The following BTN2A2 variants were observed in gnomAD, a reference collection of about 807,000 sequenced individuals.
BTN2A2 encodes the protein butyrophilin subfamily 2 member A2.
A neutral mutation model predicts 34.7 loss-of-function variants in BTN2A2; 29 were observed. That is an observed-to-expected ratio of 0.84 (90% CI 0.62 to 1.14). The LOEUF is 1.14. Ranked by LOEUF, BTN2A2 falls within the 50% of genes most tolerant of loss-of-function variation. The probability of loss-of-function intolerance (pLI) is 0.00; values close to 1 mark genes in which losing one functional copy is unlikely to be tolerated. For synonymous variants in BTN2A2, 240 were observed against 253.1 expected (o/e 0.95, Z 0.49); for missense variants, 612 against 651.5 (o/e 0.94, Z 0.66).
rs1186252729 is a variant in BTN2A2 at position 26,388,213 on chromosome 6, G to A, written c.643G>A (p.Asp215Asn). The A allele has an allele frequency of 6.2e-7, 1 of 1,614,240 alleles. No homozygotes were observed. The highest frequency in any genetic ancestry group is 1.7e-5 in the Admixed American group (1 of 60,030). The change falls in exon 4 of 8, where the codon GAC (aspartate) becomes AAC (asparagine). Residue 215 changes from aspartate (D) to asparagine (N), a missense_variant. Asp to Asn is a conservative substitution (Grantham distance 23). Transcript: ENST00000356709. ...FMVTTAVIIR[D>N]KYVRNVSCSV... Reference sequence around the variant, plus strand: ...GGTCACCACAGCTGTGATCATCAGAGACAAGTATGTGAGGAATGTGTCCTG... The same window carrying A: ...GGTCACCACAGCTGTGATCATCAGAAACAAGTATGTGAGGAATGTGTCCTG...
chr6:26,384,929 T>C lies in BTN2A2; in HGVS notation c.95-86T>C, dbSNP rs922771153. ...CCTTTCATCCCTGGAGTTTTTTTTG[T>C]TTGTTTGTTTTTGTTTTTTGTTTTT... On this transcript the variant is annotated intron_variant, in intron 2 of 7. Transcript: ENST00000356709. The surrounding 1 kb of genome is among the most constrained non-coding windows in gnomAD (Gnocchi z 4.0). 9.1e-6 allele frequency: 12 copies of C among 1,325,450 alleles called. No individual in the cohort carries two copies. The highest frequency in any genetic ancestry group is 1.0e-5 in the Non-Finnish European group (10 of 987,386). 82.1% of individuals were successfully genotyped at this position (1,325,450 alleles called of 1,614,324 possible).
chr6:26,388,196 C>G lies in BTN2A2; in HGVS notation c.626C>G (p.Thr209Arg). Reference protein sequence around the residue: ...ADADGLFMVTTAVIIRDKYVR... With the variant: ...ADADGLFMVTRAVIIRDKYVR... ...GCTGACGGCCTCTTCATGGTCACCA[C>G]AGCTGTGATCATCAGAGACAAGTAT... The change falls in exon 4 of 8, where the codon ACA becomes AGA. Residue 209 changes from threonine to arginine, a missense_variant. Thr to Arg is a moderately conservative substitution (Grantham distance 71, BLOSUM62 -1). Transcript: ENST00000356709. The G allele has an allele frequency of 2.5e-6, 4 of 1,614,194 alleles. No individual in the cohort carries two copies. Among genetic ancestry groups the G allele is most frequent in the African/African-American group, 1.3e-5 (1 of 75,048 alleles).
rs1424591181 is a variant in BTN2A2, at chr6:26,393,461, A to G, written c.*494A>G. On this transcript the variant is annotated 3_prime_UTR_variant, in exon 8 of 8. Transcript: ENST00000356709. ...TGGAACCAGAGAGCTGGGAGGGACC[A>G]AGGTTGTAAGGATGGCTAAGTCCCA... 1 of 1,063,108 alleles carries G rather than the reference A, an allele frequency of 9.4e-7. No homozygotes were observed. Among genetic ancestry groups the G allele is most frequent in the Non-Finnish European group, 1.1e-6 (1 of 878,020 alleles). The allele number at this position is 1,063,108 out of a possible 1,614,324, so 65.9% of individuals were successfully genotyped here.
rs1761028111 is a variant in BTN2A2 at position 26,384,024 on chromosome 6, A to T, written c.94+109A>T. The stretch of plus-strand genomic sequence containing the variant: ...TGTGGGGTTGTTGACTTATCCTTTC[A>T]TTCTGAACATGTTCACTGAATTTAT... On this transcript the variant is annotated intron_variant, in intron 2 of 7. Coordinates refer to ENST00000356709, the MANE Select transcript of BTN2A2 (RefSeq NM_006995.5). The surrounding 1 kb of genome is among the most constrained non-coding windows in gnomAD (Gnocchi z 4.0). 1.6e-6 allele frequency: 2 copies of T among 1,258,190 alleles called. No individual in the cohort carries two copies. The highest frequency in any genetic ancestry group is 1.5e-5 in the African/African-American group (1 of 67,546). The allele number at this position is 1,258,190 out of a possible 1,614,324, so 77.9% of individuals were successfully genotyped here.
chr6:26,385,109 T>C lies in BTN2A2; in HGVS notation c.189T>C (p.Ala63=). The C allele has an allele frequency of 6.2e-7, 1 of 1,613,846 alleles. No individual in the cohort carries two copies. The highest frequency in any genetic ancestry group is 8.5e-7 in the Non-Finnish European group (1 of 1,179,930). Residue 63 remains alanine (A), a synonymous_variant, in exon 3 of 8, where the codon GCT becomes GCC. Transcript: ENST00000356709. ...LRCHLSPEKN[A]EDMEVRWFRS... is the part of the protein sequence containing the mutation. ...GCCATCTGTCACCCGAGAAAAATGC[T>C]GAGGACATGGAGGTGCGGTGGTTCC...
At position 26,392,899 on chromosome 6, in the gene BTN2A2, G is replaced by A. The variant is rs755563740; in HGVS notation, c.1504G>A (p.Ala502Thr). ...PIFICPALTG[A>T]SGVMVPEEGL... ...CTTCATCTGCCCTGCACTCACAGGA[G>A]CCAGTGGGGTCATGGTGCCTGAAGA... The change falls in exon 8 of 8, where the codon GCC (alanine) becomes ACC (threonine). Residue 502 changes from alanine (A) to threonine (T), a missense_variant. Transcript: ENST00000356709. The A allele has an allele frequency of 2.5e-6, 4 of 1,614,204 alleles. No homozygotes were observed. Among genetic ancestry groups the A allele is most frequent in the Middle Eastern group, 1.6e-4 (1 of 6,062 alleles).
Position 26,392,892 on chromosome 6 carries a change from C to T in BTN2A2, c.1497C>T (p.Leu499=), listed in dbSNP as rs1761693838. ...GCCCCATCTTCATCTGCCCTGCACT[C>T]ACAGGAGCCAGTGGGGTCATGGTGC... is the stretch of plus-strand genomic sequence containing the variant. The part of the protein sequence containing the change: ...DDSPIFICPA[L]TGASGVMVPE... Residue 499 remains leucine, a synonymous_variant, in exon 8 of 8, where the codon CTC becomes CTT. Transcript: ENST00000356709. 1 of 1,614,200 alleles carries T rather than the reference C, an allele frequency of 6.2e-7. No homozygotes were observed. Among genetic ancestry groups the T allele is most frequent in the African/African-American group, 1.3e-5 (1 of 75,060 alleles).
Position 26,393,168 on chromosome 6 carries a change from T to C in BTN2A2, c.*201T>C, listed in dbSNP as rs548584004. On this transcript the variant is annotated 3_prime_UTR_variant, in exon 8 of 8. Transcript: ENST00000356709. ...TAGTCTGTGGCTTTAGTAGTTCCTT[T>C]GCTTGTAATTATGGGATGGGATCCA... 3 of 1,577,288 alleles carry C rather than the reference T, an allele frequency of 1.9e-6. No homozygotes were observed. In the South Asian group the frequency reaches 3.6e-5, roughly 19 times the overall value.
At position 26,388,192 on chromosome 6, in the gene BTN2A2, A is replaced by G; in HGVS notation, c.622A>G (p.Thr208Ala). The G allele has an allele frequency of 2.5e-6, 4 of 1,614,166 alleles. No individual in the cohort carries two copies. Among genetic ancestry groups the G allele is most frequent in the Non-Finnish European group, 3.4e-6 (4 of 1,180,008 alleles). ...IADADGLFMVTTAVIIRDKYV... is the reference protein window; with the variant it reads ...IADADGLFMVATAVIIRDKYV... ...TGATGCTGACGGCCTCTTCATGGTC[A>G]CCACAGCTGTGATCATCAGAGACAA... is the stretch of plus-strand genomic sequence containing the variant. The change falls in exon 4 of 8, where the codon ACC becomes GCC. Residue 208 changes from threonine to alanine, a missense_variant. Transcript: ENST00000356709.
chr6:26,389,582 GGGAAGCATT>G (rs534231606), intron 4 of BTN2A2, among the ~76,000 whole-genome samples: 171 of 152,318 alleles, frequency 1.1e-3, no homozygotes, highest in African/African-American at 3.6e-3. Context: ...GTGAGTGAGT[GGGAAGCATT>G]GGAAGGTTTT....
Position 26,393,186 on chromosome 6 carries a change from G to A in BTN2A2, c.*219G>A. The A allele has an allele frequency of 6.4e-7, 1 of 1,562,784 alleles. No individual in the cohort carries two copies. Among genetic ancestry groups the A allele is most frequent in the South Asian group, 1.2e-5 (1 of 81,660 alleles). On this transcript the variant is annotated 3_prime_UTR_variant, in exon 8 of 8. Coordinates refer to ENST00000356709, the MANE Select transcript of BTN2A2 (RefSeq NM_006995.5). The stretch of plus-strand genomic sequence containing the variant: ...GTTCCTTTGCTTGTAATTATGGGAT[G>A]GGATCCAGGCATAGGGAACTAGTTG...
chr6:26,388,170 T>G lies in BTN2A2; in HGVS notation c.600T>G (p.Asp200Glu), dbSNP rs1561828869. 6.8e-6 allele frequency: 11 copies of G among 1,614,218 alleles called. No homozygotes were observed. Among genetic ancestry groups the G allele is most frequent in the Non-Finnish European group, 9.3e-6 (11 of 1,180,032 alleles). Residue 200 changes from aspartate (D) to glutamate (E), a missense_variant, in exon 4 of 8, where the codon GAT (aspartate) becomes GAG (glutamate). By Grantham distance (45) the Asp-to-Glu change is conservative (BLOSUM62 2). Coordinates refer to ENST00000356709, the MANE Select transcript of BTN2A2 (RefSeq NM_006995.5). ...VPALKEVSIA[D>E]ADGLFMVTTA... ...CCCTGAAGGAGGTTTCCATCGCTGA[T>G]GCTGACGGCCTCTTCATGGTCACCA...
chr6:26,393,084 C>A lies in BTN2A2; in HGVS notation c.*117C>A. On this transcript the variant is annotated 3_prime_UTR_variant, in exon 8 of 8. Transcript: ENST00000356709. ...CCCCTCTGGTCACGTAAGAGAACAT[C>A]TTCCAGCTGCCTTTTTCACACCCAC... is the stretch of plus-strand genomic sequence containing the variant. 1 of 1,610,792 alleles carries A rather than the reference C, an allele frequency of 6.2e-7. No individual in the cohort carries two copies. The highest frequency in any genetic ancestry group is 8.5e-7 in the Non-Finnish European group (1 of 1,178,342).
chr6:26,394,743 A>G lies in BTN2A2; in HGVS notation c.*1776A>G, dbSNP rs1236460124. On this transcript the variant is annotated 3_prime_UTR_variant, in exon 8 of 8. Transcript: ENST00000356709. Reference sequence around the variant, plus strand: ...ATCACATGAGCCAATCTCCTTAATAAATGCCTGCTCATAGATCTGTATCTA... The same window carrying G: ...ATCACATGAGCCAATCTCCTTAATAGATGCCTGCTCATAGATCTGTATCTA... 1.7e-5 allele frequency: 3 copies of G among 176,032 alleles called. No individual in the cohort carries two copies. The highest frequency in any genetic ancestry group is 3.6e-5 in the Non-Finnish European group (3 of 84,076). The allele number at this position is 176,032 out of a possible 1,614,324, so 10.9% of individuals were successfully genotyped here. A position where few individuals can be genotyped will look rare whatever the true frequency, so the allele number is the denominator to read the frequency against.
chr6:26,389,279 C>T (rs997850921), intron 4 of BTN2A2, among the ~76,000 whole-genome samples: 1 of 152,014 alleles, frequency 6.6e-6, no homozygotes, highest in Non-Finnish European at 1.5e-5. Flanking sequence ...GGGTGTGAGG[C>T]ATCAGAATTA....
intron 3 of BTN2A2, among the ~76,000 whole-genome samples, chr6:26,386,440 G>A (rs1045668288): frequency 6.6e-6 from 1 of 152,168 alleles, no homozygotes; most frequent in African/African-American, 2.4e-5. Context: ...TAGGAAATTG[G>A]GTTCTTCCCA....
rs761697958 is a variant in BTN2A2 at position 26,383,868 on chromosome 6, T to C, written c.47T>C (p.Leu16Pro). The part of the protein sequence containing the change: ...ALHFSLPASL[L>P]LLLLLLLLSL... ...CACTTCTCCCTGCCAGCCTCCCTCC[T>C]CCTCCTCCTGCTCCTCCTCCTTCTC... Residue 16 changes from leucine to proline, a missense_variant, in exon 2 of 8, where the codon CTC becomes CCC. Physicochemically the swap from Leu to Pro is moderately conservative, Grantham distance 98 (BLOSUM62 -3). Transcript: ENST00000356709. This position sits in a 1 kb window ranked among gnomAD's most constrained non-coding sequence, Gnocchi z 4.4. The C allele has an allele frequency of 2.5e-6, 4 of 1,614,030 alleles. No individual in the cohort carries two copies. The Admixed American group carries it at 6.7e-5, about 27-fold the overall frequency.
Position 26,383,202 on chromosome 6 carries a change from C to T in BTN2A2, c.-31+21C>T, listed in dbSNP as rs1760963362. ...AGGAGGTGAACACAGCTTTTCTCTT[C>T]TCTTTGGGATGCTTTGTTGTCTGGT... is the stretch of plus-strand genomic sequence containing the variant. On this transcript the variant is annotated intron_variant, in intron 1 of 7. Coordinates refer to ENST00000356709, the MANE Select transcript of BTN2A2 (RefSeq NM_006995.5). The surrounding 1 kb of genome is among the most constrained non-coding windows in gnomAD (Gnocchi z 4.4). The T allele has an allele frequency of 6.5e-6, 1 of 152,774 alleles. No individual in the cohort carries two copies. Among genetic ancestry groups the T allele is most frequent in the Non-Finnish European group, 1.5e-5 (1 of 68,334 alleles). The allele number at this position is 152,774 out of a possible 1,614,324, so 9.5% of individuals were successfully genotyped here. A position where few individuals can be genotyped will look rare whatever the true frequency, so the allele number is the denominator to read the frequency against.
chr6:26,385,188 G>A lies in BTN2A2; in HGVS notation c.268G>A (p.Glu90Lys), dbSNP rs1761111036. The change falls in exon 3 of 8, where the codon GAG becomes AAG. Residue 90 changes from glutamate (E) to lysine (K), a missense_variant. By Grantham distance (56) the Glu-to-Lys change is moderately conservative. Transcript: ENST00000356709. ...GTATAAGGGTGGGAGAGAGAGAACA[G>A]AGGAGCAGATGGAGGAGTACCGGGG... ...FVYKGGRERT[E>K]EQMEEYRGRI... 2 of 1,614,108 alleles carry A rather than the reference G, an allele frequency of 1.2e-6. No individual in the cohort carries two copies. Among genetic ancestry groups the A allele is most frequent in the African/African-American group, 1.3e-5 (1 of 75,028 alleles).
Sources: gnomAD v4.1 joint callset for allele counts (sites outside exome capture counted in the v4.1 genomes callset) on GRCh38, gnomAD v4.1.1 for gene constraint, Gnocchi (gnomAD v3.1) non-coding constraint, MANE v1.5 for transcripts, NCBI Gene and HGNC (gene_info 2026-07-23, HGNC 2026-07-21) for gene names.